The following GALNT18 variants were observed in gnomAD, a reference collection of about 807,000 sequenced individuals.
GALNT18 encodes polypeptide N-acetylgalactosaminyltransferase 18.
Under a neutral mutation model 69.5 loss-of-function variants are expected in GALNT18, and 44 were observed. That is an observed-to-expected ratio of 0.63 (90% CI 0.50 to 0.81). The LOEUF is 0.81. GALNT18 is among the 40% of genes least tolerant of loss of function. GALNT18 has a pLI of 0.00. For synonymous variants in GALNT18, 364 were observed against 318.2 expected (o/e 1.14, Z -1.53); for missense variants, 715 against 810.0 (o/e 0.88, Z 1.42).
intron 6 of GALNT18, among the ~76,000 whole-genome samples, chr11:11,358,693 C>T (rs59523635): frequency 0.076 from 10,590 of 139,116 alleles, 2,104 homozygotes; most frequent in Middle Eastern, 0.094. Context: ...AAAACACTTA[C>T]ACCACCATAC....
At position 11,557,272 on chromosome 11, in the gene GALNT18, GT is replaced by G. The variant is rs374184746; in HGVS notation, c.235+64086del. Among the ~76,000 whole-genome samples, 833 of 152,226 alleles carry G rather than the reference GT, an allele frequency of 5.5e-3. 7 individuals carry two copies. The highest frequency in any genetic ancestry group is 0.019 in the African/African-American group (789 of 41,536). On this transcript the variant is annotated intron_variant, in intron 1 of 10. Coordinates refer to ENST00000227756, the MANE Select transcript of GALNT18 (RefSeq NM_198516.3). ...ATTCATTTTTAAATGGTTATGGTGG[GT>G]TTTTTATATGCAATAATTATTGCTC...
At chr11:11,328,153 A>C (rs1163520192) in intron 8 of GALNT18, among the ~76,000 whole-genome samples, 1 of 152,202 alleles carries the variant, frequency 6.6e-6, no homozygotes, top group African/African-American at 2.4e-5. Context: ...TGCACGAGGC[A>C]GACAGAATGA....
At chr11:11,376,173 G>A (rs969560346) in intron 5 of GALNT18, among the ~76,000 whole-genome samples, 1 of 152,072 alleles carries the variant, frequency 6.6e-6, no homozygotes, top group African/African-American at 2.4e-5. Context: ...ACGAGGTCAG[G>A]AGTTCAAGAC....
At chr11:11,440,214 G>T (rs1047178136) in intron 2 of GALNT18, among the ~76,000 whole-genome samples, 3 of 152,224 alleles carry the variant, frequency 2.0e-5, no homozygotes, top group African/African-American at 7.2e-5. Flanking sequence ...TCAGGAAAGA[G>T]AATCATTTAC....
chr11:11,303,557 T>C (rs1471024618), intron 9 of GALNT18, among the ~76,000 whole-genome samples: 1 of 151,520 alleles, frequency 6.6e-6, no homozygotes, highest in Non-Finnish European at 1.5e-5. Flanking sequence ...TGATACTAGA[T>C]AGAGGCTGAG....
intron 3 of GALNT18, among the ~76,000 whole-genome samples, chr11:11,429,942 C>T (rs1855229222): frequency 6.6e-6 from 1 of 152,006 alleles, no homozygotes; most frequent in Non-Finnish European, 1.5e-5. Context: ...GAGTTTGAGA[C>T]CTGGCTACCC....
chr11:11,420,916 C>G (rs1260253316), intron 3 of GALNT18, among the ~76,000 whole-genome samples: 2 of 152,180 alleles, frequency 1.3e-5, no homozygotes, highest in South Asian at 2.1e-4. Context: ...GGGAAGAAGG[C>G]CTTTTTTTTT....
At position 11,454,272 on chromosome 11, in the gene GALNT18, A is replaced by G. The variant is rs1051918460; in HGVS notation, c.236-5336T>C. On this transcript the variant is annotated intron_variant, in intron 1 of 10. Coordinates refer to ENST00000227756, the MANE Select transcript of GALNT18 (RefSeq NM_198516.3). The surrounding 1 kb of genome is among the most constrained non-coding windows in gnomAD (Gnocchi z 4.2). ...CAAATGATTGTGCACAGTTACGCAGACTGGCACGGCATGTTTAAGAGCTTC... is the reference window on the plus strand; with the variant it reads ...CAAATGATTGTGCACAGTTACGCAGGCTGGCACGGCATGTTTAAGAGCTTC... 6.6e-6 allele frequency among the ~76,000 whole-genome samples: 1 copy of G among 152,156 alleles called. No individual in the cohort carries two copies. Among genetic ancestry groups the G allele is most frequent in the African/African-American group, 2.4e-5 (1 of 41,442 alleles).
At chr11:11,331,670 T>A (rs1850018748) in intron 8 of GALNT18, among the ~76,000 whole-genome samples, 2 of 152,118 alleles carry the variant, frequency 1.3e-5, no homozygotes, top group African/African-American at 4.8e-5. Context: ...AGAAGCTGGT[T>A]TTTTAGACTT....
rs1188933236 is a variant in GALNT18 at position 11,605,278 on chromosome 11, A to G, written c.235+16081T>C. Among the ~76,000 whole-genome samples the G allele has an allele frequency of 1.3e-5, 2 of 152,102 alleles. No individual in the cohort carries two copies. The highest frequency in any genetic ancestry group is 4.8e-5 in the African/African-American group (2 of 41,426). ...GATAACTTGGAGTTCCAGGCTGCCC[A>G]CCTTGACACCTGGGCCATCTCCTCA... On this transcript the variant is annotated intron_variant, in intron 1 of 10. Transcript: ENST00000227756. This position sits in a 1 kb window ranked among gnomAD's most constrained non-coding sequence, Gnocchi z 4.7.
At chr11:11,275,400 G>A (rs1848922608) in intron 10 of GALNT18, among the ~76,000 whole-genome samples, 1 of 152,074 alleles carries the variant, frequency 6.6e-6, no homozygotes. Flanking sequence ...TTTGTTTCTT[G>A]TAAATTTGTT....
chr11:11,514,265 T>A (rs1857221321), intron 1 of GALNT18, among the ~76,000 whole-genome samples: 1 of 152,232 alleles, frequency 6.6e-6, no homozygotes. Context: ...AAACCCATGC[T>A]TGCAATTGCC....
In GALNT18 at chr11:11,613,963, T is replaced by C. The variant is rs1590141083; in HGVS notation, c.235+7396A>G. Among the ~76,000 whole-genome samples, 1 of 152,148 alleles carries C rather than the reference T, an allele frequency of 6.6e-6. No individual in the cohort carries two copies. Among genetic ancestry groups the C allele is most frequent in the Non-Finnish European group, 1.5e-5 (1 of 68,018 alleles). The stretch of plus-strand genomic sequence containing the variant: ...GGGTTTTCCCTCCAGGAACTTTCTG[T>C]GTAACATCACCTCCAGCTGTACTGC... On this transcript the variant is annotated intron_variant, in intron 1 of 10. Coordinates refer to ENST00000227756, the MANE Select transcript of GALNT18 (RefSeq NM_198516.3). This position sits in a 1 kb window ranked among gnomAD's most constrained non-coding sequence, Gnocchi z 4.2.
At chr11:11,487,427 A>C (rs1856668378) in intron 1 of GALNT18, among the ~76,000 whole-genome samples, 2 of 152,206 alleles carry the variant, frequency 1.3e-5, no homozygotes, top group Non-Finnish European at 1.5e-5. Context: ...AAATGTAAAA[A>C]ATAAAATAAA....
intron 2 of GALNT18, among the ~76,000 whole-genome samples, chr11:11,441,747 C>A (rs948950941): frequency 2.0e-5 from 3 of 152,214 alleles, no homozygotes; most frequent in Non-Finnish European, 2.9e-5. Context: ...GATGGTCCAG[C>A]AGTCATGGCC....
chr11:11,321,181 G>T (rs1327058057), intron 9 of GALNT18, among the ~76,000 whole-genome samples: 1 of 152,202 alleles, frequency 6.6e-6, no homozygotes, highest in Non-Finnish European at 1.5e-5. Flanking sequence ...AGCTAGGAGT[G>T]TTGAGCCTAA....
At position 11,346,773 on chromosome 11, in the gene GALNT18, T is replaced by A. The variant is rs754741312; in HGVS notation, c.1093-5769A>T. On this transcript the variant is annotated intron_variant, in intron 6 of 10. Coordinates refer to ENST00000227756, the MANE Select transcript of GALNT18 (RefSeq NM_198516.3). ...CAAAATCACACTCACCACCGGCCCTTCCCAGAAAACCCTAGTACTGTTATC... is the reference window on the plus strand; with the variant it reads ...CAAAATCACACTCACCACCGGCCCTACCCAGAAAACCCTAGTACTGTTATC... Among the ~76,000 whole-genome samples the A allele has an allele frequency of 8.7e-4, 133 of 152,192 alleles. 1 individual carries two copies. Among genetic ancestry groups the A allele is most frequent in the Middle Eastern group, 6.8e-3 (2 of 294 alleles).
Position 11,463,994 on chromosome 11 carries a change from C to A in GALNT18, c.236-15058G>T, listed in dbSNP as rs145209586. ...AGTCTTGCTCTGTGAGCACCTGAAG[C>A]AGAGGAAGGAGGCAGTCCCGGCCTG... On this transcript the variant is annotated intron_variant, in intron 1 of 10. Transcript: ENST00000227756. This position sits in a 1 kb window ranked among gnomAD's most constrained non-coding sequence, Gnocchi z 4.2. 4.0e-3 allele frequency among the ~76,000 whole-genome samples: 604 copies of A among 152,298 alleles called. 1 individual carries two copies. The highest frequency in any genetic ancestry group is 0.014 in the Middle Eastern group (4 of 294).
At chr11:11,285,437 C>T (rs886450197) in intron 10 of GALNT18, among the ~76,000 whole-genome samples, 1 of 152,188 alleles carries the variant, frequency 6.6e-6, no homozygotes, top group Non-Finnish European at 1.5e-5. Flanking sequence ...TTGAGCAATA[C>T]ATTTTAAAAT....
Sources: gnomAD v4.1 joint callset for allele counts (sites outside exome capture counted in the v4.1 genomes callset) on GRCh38, gnomAD v4.1.1 for gene constraint, Gnocchi (gnomAD v3.1) non-coding constraint, MANE v1.5 for transcripts, NCBI Gene and HGNC (gene_info 2026-07-23, HGNC 2026-07-21) for gene names.